Variants in ADAM2 observed in about 807,000 individuals in gnomAD.
ADAM2 encodes disintegrin and metalloproteinase domain-containing protein 2.
Under a neutral mutation model 99.3 loss-of-function variants are expected in ADAM2, and 101 were observed. That is an observed-to-expected ratio of 1.02 (90% CI 0.87 to 1.20). ADAM2 has a LOEUF of 1.20. ADAM2 is among the 50% of genes most tolerant of loss of function. ADAM2 has a pLI of 0.00. For synonymous variants in ADAM2, 323 were observed against 287.6 expected (o/e 1.12, Z -1.25); for missense variants, 948 against 878.7 (o/e 1.08, Z -1.00).
intron 3 of ADAM2, among the ~76,000 whole-genome samples, chr8:39,828,597 C>T (rs985478075): frequency 6.6e-6 from 1 of 151,694 alleles, no homozygotes; most frequent in Admixed American, 6.6e-5. Context: ...AGAGTAAGCA[C>T]ACCTTAAAAC....
At chr8:39,786,236 C>A (rs1803463692) in intron 10 of ADAM2, among the ~76,000 whole-genome samples, 1 of 152,116 alleles carries the variant, frequency 6.6e-6, no homozygotes, top group Non-Finnish European at 1.5e-5. Flanking sequence ...TATCCGAAAC[C>A]TTAGCATCTC....
chr8:39,760,753 A>G (rs970404564), intron 15 of ADAM2, among the ~76,000 whole-genome samples: 3 of 151,308 alleles, frequency 2.0e-5, no homozygotes, highest in Non-Finnish European at 2.9e-5. Flanking sequence ...AAAAAAACAC[A>G]TTTTGCTCCT....
Position 39,824,873 on chromosome 8 carries a change from T to C in ADAM2, c.213A>G (p.Arg71=). ...TTCCTGTGCCACTATAACTGTAAAC[T>C]CTAAAATTATGGGGTAAAAAGTTTC... ...MQKNFLPHNF[R]VYSYSGTGIM... The change falls in exon 4 of 21, where the codon AGA becomes AGG. Residue 71 remains arginine (R), a synonymous_variant. Coordinates refer to ENST00000265708, the MANE Select transcript of ADAM2 (RefSeq NM_001464.5). The C allele has an allele frequency of 6.5e-7, 1 of 1,540,670 alleles. No homozygotes were observed. The highest frequency in any genetic ancestry group is 8.9e-7 in the Non-Finnish European group (1 of 1,121,208).
intron 1 of ADAM2, 108 bp downstream of exon 1, chr8:39,838,023 G>C: frequency 7.9e-7 from 1 of 1,257,986 alleles, no homozygotes; most frequent in South Asian, 1.2e-5. Flanking sequence ...TGCTGAGTTG[G>C]AAACCCCTCA....
At chr8:39,802,228 A>ATTCCCC (rs1274852417) in intron 7 of ADAM2, among the ~76,000 whole-genome samples, 1 of 151,754 alleles carries the variant, frequency 6.6e-6, no homozygotes, top group Non-Finnish European at 1.5e-5. Context: ...GGGGGAGGGG[A>ATTCCCC]TTCCCCTTCC....
intron 7 of ADAM2, among the ~76,000 whole-genome samples, chr8:39,804,575 G>A (rs1415007557): frequency 6.6e-6 from 1 of 152,102 alleles, no homozygotes; most frequent in East Asian, 1.9e-4. Flanking sequence ...GATGATGAAA[G>A]TCAGTGGCTG....
intron 7 of ADAM2, among the ~76,000 whole-genome samples, chr8:39,797,005 T>C (rs1031272489): frequency 1.3e-5 from 2 of 152,218 alleles, no homozygotes; most frequent in Non-Finnish European, 2.9e-5. Context: ...GGTTGCCTGT[T>C]CACTCTGATG....
At chr8:39,752,289 C>T (rs1401301409) in intron 16 of ADAM2, among the ~76,000 whole-genome samples, 1 of 152,044 alleles carries the variant, frequency 6.6e-6, no homozygotes, top group Non-Finnish European at 1.5e-5. Flanking sequence ...ATCAGAAAAA[C>T]GGTGATATAG....
At chr8:39,784,458 G>A (rs962079980) in intron 10 of ADAM2, among the ~76,000 whole-genome samples, 5 of 152,122 alleles carry the variant, frequency 3.3e-5, no homozygotes, top group Admixed American at 2.6e-4. Context: ...CTGGCTCCCT[G>A]TAGCCTTGAA....
chr8:39,762,612 A>C (rs1314793832), intron 14 of ADAM2, among the ~76,000 whole-genome samples: 1 of 152,240 alleles, frequency 6.6e-6, no homozygotes, highest in Non-Finnish European at 1.5e-5. Flanking sequence ...TACTTAAGAA[A>C]TATTATCCTA....
At chr8:39,780,997 G>A (rs1020491910) in intron 10 of ADAM2, among the ~76,000 whole-genome samples, 8 of 150,626 alleles carry the variant, frequency 5.3e-5, no homozygotes, top group East Asian at 3.9e-4. Flanking sequence ...TTTGTGTGGC[G>A]CTTTCATACC....
intron 2 of ADAM2, among the ~76,000 whole-genome samples, chr8:39,836,722 G>T (rs928029648): frequency 2.6e-5 from 4 of 151,982 alleles, no homozygotes; most frequent in African/African-American, 2.4e-5. Context: ...CGCAATCAGG[G>T]CTAAAAAAAT....
intron 16 of ADAM2, among the ~76,000 whole-genome samples, chr8:39,752,808 A>G (rs535705595): frequency 1.3e-5 from 2 of 152,288 alleles, no homozygotes; most frequent in South Asian, 2.1e-4. Context: ...GTTCCCCTGC[A>G]CACACTCTCT....
intron 7 of ADAM2, among the ~76,000 whole-genome samples, chr8:39,791,829 A>T (rs1210249911): frequency 6.6e-6 from 1 of 152,036 alleles, no homozygotes; most frequent in African/African-American, 2.4e-5. Context: ...AGGTAAAAAA[A>T]ATCTTTGACT....
chr8:39,797,979 T>A (rs968569004), intron 7 of ADAM2, among the ~76,000 whole-genome samples: 3 of 152,228 alleles, frequency 2.0e-5, no homozygotes, highest in African/African-American at 7.2e-5. Context: ...AAATTATTCA[T>A]CTGCAAACAG....
chr8:39,799,175 C>A (rs774153741), intron 7 of ADAM2, among the ~76,000 whole-genome samples: 2 of 152,052 alleles, frequency 1.3e-5, no homozygotes, highest in Non-Finnish European at 2.9e-5. Context: ...ATGGGCATTT[C>A]GTGCTATAAA....
intron 3 of ADAM2, among the ~76,000 whole-genome samples, chr8:39,830,083 T>C (rs931553851): frequency 9.2e-5 from 14 of 152,286 alleles, no homozygotes; most frequent in Admixed American, 7.8e-4. Flanking sequence ...GAGAGTTACA[T>C]AAATATTCAC....
Position 39,809,451 on chromosome 8 carries a change from CA to C in ADAM2, c.528del (p.Phe176LeufsTer5). The C allele has an allele frequency of 1.4e-6, 2 of 1,432,528 alleles. No individual in the cohort carries two copies. The highest frequency in any genetic ancestry group is 1.9e-6 in the Non-Finnish European group (2 of 1,031,974). The allele number at this position is 1,432,528 out of a possible 1,614,324, so 88.7% of individuals were successfully genotyped here. On this transcript the variant is annotated frameshift_variant, in exon 7 of 21. Coordinates refer to ENST00000265708, the MANE Select transcript of ADAM2 (RefSeq NM_001464.5). LOFTEE classifies it high-confidence loss of function. ...ATAACATGCATTTCTATATACTTTG[CA>C]AAATCTTGCTGTGGCTGAAAAAATC... ...KLQSVEPQQD[F>X]AKYIEMHVIV...
At chr8:39,806,984 A>G (rs1209133618) in intron 7 of ADAM2, among the ~76,000 whole-genome samples, 1 of 152,038 alleles carries the variant, frequency 6.6e-6, no homozygotes, top group Non-Finnish European at 1.5e-5. Context: ...AGAAGAGGAA[A>G]AGATACCCTG....
Sources: gnomAD v4.1 joint callset for allele counts (sites outside exome capture counted in the v4.1 genomes callset) on GRCh38, gnomAD v4.1.1 for gene constraint, MANE v1.5 for transcripts, NCBI Gene and HGNC (gene_info 2026-07-23, HGNC 2026-07-21) for gene names.